TANC1: variants seen among roughly 807,000 people sequenced by gnomAD.
TANC1 encodes the protein protein TANC1.
Under a neutral mutation model 149.7 loss-of-function variants are expected in TANC1, and 77 were observed. The observed-to-expected ratio is 0.51, with a 90% CI of 0.43 to 0.62. TANC1 has a LOEUF of 0.62. TANC1 is among the 20% of genes least tolerant of loss of function. TANC1 has a pLI of 0.00. For missense variants in TANC1, 1,985 were observed against 2,321.8 expected (o/e 0.85, Z 2.98); for synonymous variants, 854 against 925.0 (o/e 0.92, Z 1.39).
chr2:159,160,514 C>T (rs765668577), intron 7 of TANC1, among the ~76,000 whole-genome samples: 5 of 152,110 alleles, frequency 3.3e-5, no homozygotes, highest in Admixed American at 6.5e-5. Context: ...TTGGGGACTC[C>T]GGGGCTGCCA....
At chr2:159,094,394 C>T (rs2045866461) in intron 3 of TANC1, among the ~76,000 whole-genome samples, 1 of 152,192 alleles carries the variant, frequency 6.6e-6, no homozygotes, top group African/African-American at 2.4e-5. Context: ...GCCTGTACAC[C>T]CATGAATTAG....
At chr2:159,128,785 G>C (rs573939026) in intron 4 of TANC1, among the ~76,000 whole-genome samples, 2 of 151,390 alleles carry the variant, frequency 1.3e-5, no homozygotes, top group East Asian at 3.9e-4. Flanking sequence ...CTCTTTTGTT[G>C]GGGGGGCAGG....
At position 158,988,325 on chromosome 2, in the gene TANC1, C is replaced by CAA. The variant is rs1285907133; in HGVS notation, c.-125-12738_-125-12737dup. Among the ~76,000 whole-genome samples, 335 of 87,378 alleles carry CAA rather than the reference C, an allele frequency of 3.8e-3. 7 individuals carry two copies. Among genetic ancestry groups the CAA allele is most frequent in the African/African-American group, 0.012 (292 of 23,930 alleles). The allele number at this position is 87,378 out of a possible 152,430, so 57.3% of individuals were successfully genotyped here. A position where few individuals can be genotyped will look rare whatever the true frequency, so the allele number is the denominator to read the frequency against. On this transcript the variant is annotated intron_variant, in intron 1 of 26. Coordinates refer to ENST00000263635, the MANE Select transcript of TANC1 (RefSeq NM_033394.3). ...CTGGGTGACAGGCAAGACCCTGTCCCAAAAAAAAAAAAAAAAAAGAAAAAG... is the reference window on the plus strand; with the variant it reads ...CTGGGTGACAGGCAAGACCCTGTCCCAAAAAAAAAAAAAAAAAAAAGAAAAAG...
chr2:159,198,853 TC>T, intron 18 of TANC1, 121 bp from the exon 19 acceptor site: 1 of 609,322 alleles, frequency 1.6e-6, no homozygotes. Context: ...ATTATATTTT[TC>T]TCTCCTTGGG....
chr2:159,137,298 G>A (rs1383078469), intron 5 of TANC1, among the ~76,000 whole-genome samples: 4 of 152,154 alleles, frequency 2.6e-5, no homozygotes, highest in African/African-American at 9.7e-5. Flanking sequence ...TACTGGAGTG[G>A]TGGTAAAAAT....
intron 5 of TANC1, among the ~76,000 whole-genome samples, chr2:159,136,595 T>A (rs1358245287): frequency 6.6e-6 from 1 of 152,216 alleles, no homozygotes; most frequent in African/African-American, 2.4e-5. Flanking sequence ...CCCAGTAGAT[T>A]GCTTCCAAGA....
intron 20 of TANC1, among the ~76,000 whole-genome samples, chr2:159,218,791 G>A (rs1292908351): frequency 6.6e-6 from 1 of 152,240 alleles, no homozygotes; most frequent in African/African-American, 2.4e-5. Context: ...CATGGCTTGG[G>A]TGTGTGGTGG....
intron 5 of TANC1, among the ~76,000 whole-genome samples, chr2:159,146,922 T>C (rs2150294211): frequency 6.9e-6 from 1 of 145,574 alleles, no homozygotes; most frequent in African/African-American, 2.4e-5. Flanking sequence ...GGATGGTAAG[T>C]TGTTTTTGGA....
rs77632028 is a variant in TANC1, at chr2:159,183,642, G to A, written c.2511-2149G>A. ...AGAGGAGAGAGAGGAGGGAGCCAGC[G>A]TCTTGGGATGGGAGGTGGAAGGGCT... On this transcript the variant is annotated intron_variant, in intron 14 of 26. Coordinates refer to ENST00000263635, the MANE Select transcript of TANC1 (RefSeq NM_033394.3). Among the ~76,000 whole-genome samples the A allele has an allele frequency of 4.0e-3, 613 of 152,188 alleles. 4 individuals carry two copies. Among genetic ancestry groups the A allele is most frequent in the African/African-American group, 0.014 (576 of 41,488 alleles).
At chr2:159,109,685 C>T (rs796766828) in intron 4 of TANC1, among the ~76,000 whole-genome samples, 9 of 152,178 alleles carry the variant, frequency 5.9e-5, no homozygotes, top group African/African-American at 2.2e-4. Context: ...CTTTCCAGCC[C>T]AGGACAGGAA....
In TANC1 at chr2:159,173,258, A is replaced by T. The variant is rs58933206; in HGVS notation, c.1503+986A>T. Among the ~76,000 whole-genome samples the T allele has an allele frequency of 1.9e-3, 289 of 152,322 alleles. 1 individual carries two copies. The highest frequency in any genetic ancestry group is 6.7e-3 in the African/African-American group (277 of 41,574). ...AGAACTATGTTTATTCTTATATCCT[A>T]TAATACACTCTAGTGTTCCTAAGTT... On this transcript the variant is annotated intron_variant, in intron 11 of 26. Transcript: ENST00000263635.
intron 3 of TANC1, among the ~76,000 whole-genome samples, chr2:159,090,657 A>G (rs1218800095): frequency 6.6e-6 from 1 of 152,136 alleles, no homozygotes; most frequent in East Asian, 1.9e-4. Context: ...TAGAATCCCA[A>G]ATTCCATGCA....
In TANC1 at chr2:159,178,584, A is replaced by G. The variant is rs776754163; in HGVS notation, c.1931A>G (p.Lys644Arg). 9 of 1,591,124 alleles carry G rather than the reference A, an allele frequency of 5.7e-6. No individual in the cohort carries two copies. The highest frequency in any genetic ancestry group is 1.1e-5 in the South Asian group (1 of 87,468). The part of the protein sequence containing the change: ...QEIISALPFV[K>R]LSLDDFPDNK... The stretch of plus-strand genomic sequence containing the variant: ...ATCATAAGTGCGCTGCCATTTGTCA[A>G]GCTTTCCTTAGATGACTTCCCAGAC... The change falls in exon 14 of 27, where the codon AAG becomes AGG. Residue 644 changes from lysine (K) to arginine (R), a missense_variant. Physicochemically the swap from Lys to Arg is conservative, Grantham distance 26 (BLOSUM62 2). Around this residue, in one of 3 missense-constraint regions of TANC1, gnomAD observed 508 missense variants for 714.2 expected, o/e 0.71. Coordinates refer to ENST00000263635, the MANE Select transcript of TANC1 (RefSeq NM_033394.3).
chr2:159,228,741 C>T lies in TANC1; in HGVS notation c.4051-55C>T, dbSNP rs530662854. Reference sequence around the variant, plus strand: ...CTTTAGAACAAAACTAGACGGGCTTCCCACAATCGTGTGTCCAGGCTGCTT... The same window carrying T: ...CTTTAGAACAAAACTAGACGGGCTTTCCACAATCGTGTGTCCAGGCTGCTT... On this transcript the variant is annotated intron_variant, in intron 25 of 26. Coordinates refer to ENST00000263635, the MANE Select transcript of TANC1 (RefSeq NM_033394.3). 26 of 1,316,184 alleles carry T rather than the reference C, an allele frequency of 2.0e-5. 1 individual carries two copies. In the East Asian group the frequency reaches 5.7e-4, roughly 29 times the overall value. The allele number at this position is 1,316,184 out of a possible 1,614,324, so 81.5% of individuals were successfully genotyped here.
At chr2:159,176,313 T>C (rs775516700) in intron 12 of TANC1, 39 bp from the exon 13 acceptor site, 1 of 1,235,146 alleles carries the variant, frequency 8.1e-7, no homozygotes, top group Admixed American at 2.6e-5. Flanking sequence ...TAGAGAAATG[T>C]ATAATTTCTT....
intron 19 of TANC1, among the ~76,000 whole-genome samples, chr2:159,208,786 T>C (rs1444336186): frequency 6.6e-6 from 1 of 152,216 alleles, no homozygotes; most frequent in Non-Finnish European, 1.5e-5. Flanking sequence ...TTTAAATTCG[T>C]GCATGAGATA....
At chr2:159,016,120 AAG>A (rs921030724) in intron 2 of TANC1, among the ~76,000 whole-genome samples, 1 of 152,226 alleles carries the variant, frequency 6.6e-6, no homozygotes, top group African/African-American at 2.4e-5. Context: ...TTACAAAAGA[AAG>A]AGATTTAATT....
intron 2 of TANC1, among the ~76,000 whole-genome samples, chr2:159,017,201 T>C (rs1249826321): frequency 1.3e-5 from 2 of 152,154 alleles, no homozygotes; most frequent in African/African-American, 2.4e-5. Flanking sequence ...ATATGGGACA[T>C]ACAGCCACCT....
intron 5 of TANC1, among the ~76,000 whole-genome samples, chr2:159,140,342 G>A (rs2051223255): frequency 6.6e-6 from 1 of 152,074 alleles, no homozygotes; most frequent in Non-Finnish European, 1.5e-5. Flanking sequence ...CAGCTTCTTA[G>A]AATGGCAGTG....
Sources: gnomAD v4.1 joint callset for allele counts (sites outside exome capture counted in the v4.1 genomes callset) on GRCh38, gnomAD v4.1.1 for gene constraint, gnomAD v4.1.1 regional missense constraint, MANE v1.5 for transcripts, NCBI Gene and HGNC (gene_info 2026-07-23, HGNC 2026-07-21) for gene names.